The following FER variants were observed in gnomAD, a reference collection of about 807,000 sequenced individuals.
The protein encoded by FER is tyrosine-protein kinase Fer.
A neutral mutation model predicts 111.0 loss-of-function variants in FER; 63 were observed. That is an observed-to-expected ratio of 0.57 (90% confidence interval 0.46 to 0.70). FER has a LOEUF of 0.70. Among genes scored for constraint, FER ranks in the 30% least tolerant of loss-of-function variants. The pLI is 0.00. For missense variants in FER, 914 were observed against 954.0 expected (o/e 0.96, Z 0.55); for synonymous variants, 327 against 313.9 (o/e 1.04, Z -0.44).
At chr5:108,834,495 C>A (rs1027793364) in intron 4 of FER, among the ~76,000 whole-genome samples, 2 of 151,958 alleles carry the variant, frequency 1.3e-5, no homozygotes, top group Non-Finnish European at 2.9e-5. Flanking sequence ...GTCAGGAGTT[C>A]AAGACCAGCC....
chr5:109,080,561 A>G (rs1213107904), intron 16 of FER, among the ~76,000 whole-genome samples: 1 of 152,078 alleles, frequency 6.6e-6, no homozygotes, highest in Non-Finnish European at 1.5e-5. Flanking sequence ...TTAGGTCTGA[A>G]TAATGGGAGT....
At position 108,996,856 on chromosome 5, in the gene FER, A is replaced by G. The variant is rs554502899; in HGVS notation, c.1656+37509A>G. ...TAATCTATACATTACTTTGGGCAAT[A>G]TGGCCCTTTTCACGATATTGATTCT... is the stretch of plus-strand genomic sequence containing the variant. On this transcript the variant is annotated intron_variant, in intron 13 of 19. Transcript: ENST00000281092. Among the ~76,000 whole-genome samples the G allele has an allele frequency of 1.5e-4, 23 of 152,286 alleles. No homozygotes were observed. The South Asian group carries it at 4.6e-3, about 30-fold the overall frequency.
At chr5:108,785,782 A>G (rs1461044367) in intron 2 of FER, among the ~76,000 whole-genome samples, 1 of 152,174 alleles carries the variant, frequency 6.6e-6, no homozygotes, top group Non-Finnish European at 1.5e-5. Flanking sequence ...TTCTGCCCCT[A>G]GGCTGTGGCT....
intron 5 of FER, chr5:108,842,688 A>C (rs181929656): frequency 1.3e-5 from 2 of 152,344 alleles, no homozygotes; most frequent in African/African-American, 4.8e-5. Context: ...CAAAACCACA[A>C]TGTGATACCT....
chr5:108,872,403 A>G (rs920764291), intron 8 of FER, among the ~76,000 whole-genome samples, 191 bp downstream of exon 8: 2 of 152,134 alleles, frequency 1.3e-5, no homozygotes, highest in Non-Finnish European at 2.9e-5. Flanking sequence ...CCGAATATCA[A>G]AGTTCTGTGT....
At chr5:109,138,115 A>C (rs1753111229) in intron 17 of FER, among the ~76,000 whole-genome samples, 1 of 152,222 alleles carries the variant, frequency 6.6e-6, no homozygotes, top group African/African-American at 2.4e-5. Context: ...GTAGGGCTGG[A>C]ACAAAGCATG....
At chr5:108,876,600 T>C (rs922468780) in intron 8 of FER, among the ~76,000 whole-genome samples, 12 of 152,210 alleles carry the variant, frequency 7.9e-5, no homozygotes, top group African/African-American at 2.9e-4. Flanking sequence ...GATTATTTTG[T>C]TATTGAATTA....
chr5:109,018,480 C>T (rs1176568915), intron 13 of FER, among the ~76,000 whole-genome samples: 1 of 151,676 alleles, frequency 6.6e-6, no homozygotes, highest in Non-Finnish European at 1.5e-5. Flanking sequence ...TTTACCTTTT[C>T]ACAATTTTCT....
intron 3 of FER, among the ~76,000 whole-genome samples, chr5:108,805,409 G>C (rs6897572): frequency 0.19 from 29,264 of 152,050 alleles, 3,060 homozygotes; most frequent in African/African-American, 0.27. Flanking sequence ...CAGTAAATTG[G>C]TACCAGTAGA....
At chr5:108,797,621 G>A (rs531150240) in intron 2 of FER, among the ~76,000 whole-genome samples, 30 of 152,306 alleles carry the variant, frequency 2.0e-4, no homozygotes, top group Middle Eastern at 6.8e-3. Flanking sequence ...GAGAGGACTG[G>A]TCTTGATGAT....
At chr5:109,018,743 T>A (rs1303068599) in intron 13 of FER, among the ~76,000 whole-genome samples, 1 of 151,772 alleles carries the variant, frequency 6.6e-6, no homozygotes, top group East Asian at 1.9e-4. Flanking sequence ...TCCCACAACA[T>A]TGTTAAGAAT....
rs1185684847 is a variant in FER, at chr5:108,825,289, A to G, written c.208-7481A>G. 5.9e-5 allele frequency among the ~76,000 whole-genome samples: 9 copies of G among 152,220 alleles called. No individual in the cohort carries two copies. In the East Asian group the frequency reaches 1.7e-3, roughly 29 times the overall value. ...ATTTCACCCCTGCAGTCTCAACCATAAGAGACAGGTACGCCCCGGGGGGCC... is the reference window on the plus strand; with the variant it reads ...ATTTCACCCCTGCAGTCTCAACCATGAGAGACAGGTACGCCCCGGGGGGCC... On this transcript the variant is annotated intron_variant, in intron 3 of 19. Coordinates refer to ENST00000281092, the MANE Select transcript of FER (RefSeq NM_005246.4).
At chr5:109,096,037 ATCTCT>A (rs1339883843) in intron 16 of FER, among the ~76,000 whole-genome samples, 1 of 152,054 alleles carries the variant, frequency 6.6e-6, no homozygotes, top group Non-Finnish European at 1.5e-5. Flanking sequence ...TGCCCTGATG[ATCTCT>A]TCTCTCCAAT....
At chr5:109,072,526 G>A (rs1451490474) in intron 16 of FER, among the ~76,000 whole-genome samples, 1 of 151,716 alleles carries the variant, frequency 6.6e-6, no homozygotes, top group Non-Finnish European at 1.5e-5. Flanking sequence ...GAAATCTTAT[G>A]CCTTAATCAA....
intron 16 of FER, among the ~76,000 whole-genome samples, chr5:109,071,764 T>C (rs1466911247): frequency 1.3e-5 from 2 of 151,994 alleles, no homozygotes; most frequent in African/African-American, 2.4e-5. Flanking sequence ...AGAAAACATA[T>C]AATTGACAAT....
chr5:109,126,157 A>G (rs1260880245), intron 17 of FER, among the ~76,000 whole-genome samples: 1 of 152,218 alleles, frequency 6.6e-6, no homozygotes, highest in Non-Finnish European at 1.5e-5. Context: ...GTAAAACACG[A>G]AAAAAGACGC....
chr5:108,965,688 C>T (rs1009602268), intron 13 of FER, among the ~76,000 whole-genome samples: 3 of 152,040 alleles, frequency 2.0e-5, no homozygotes, highest in Non-Finnish European at 4.4e-5. Flanking sequence ...ATTACAACTC[C>T]AGCTAGCATA....
chr5:108,749,428 G>C (rs1018438870), intron 1 of FER, among the ~76,000 whole-genome samples: 3 of 152,034 alleles, frequency 2.0e-5, no homozygotes, highest in Non-Finnish European at 2.9e-5. Context: ...GGGGACTGTG[G>C]GCACCACCCA....
At chr5:108,832,425 G>A (rs1256467675) in intron 3 of FER, among the ~76,000 whole-genome samples, 1 of 152,178 alleles carries the variant, frequency 6.6e-6, no homozygotes, top group Non-Finnish European at 1.5e-5. Flanking sequence ...GAAGACCATA[G>A]TGGGACATTA....
Sources: allele counts gnomAD v4.1 joint callset (sites outside exome capture counted in the v4.1 genomes callset), GRCh38; gene constraint gnomAD v4.1.1; transcripts MANE v1.5; gene names NCBI Gene and HGNC (gene_info 2026-07-23, HGNC 2026-07-21).